KCNAB1: variants seen among roughly 807,000 people sequenced by gnomAD.
KCNAB1 encodes the protein potassium voltage-gated channel subfamily A regulatory beta subunit 1.
In KCNAB1, 35 loss-of-function variants were observed where a neutral mutation model predicts 64.6. The observed-to-expected ratio is 0.54, with a 90% CI of 0.41 to 0.72. The LOEUF (loss-of-function observed/expected upper bound fraction) is 0.72. KCNAB1 is among the 30% of genes least tolerant of loss of function. The pLI, the probability that KCNAB1 is intolerant of heterozygous loss-of-function variation, is 0.00. For synonymous variants in KCNAB1, 177 were observed against 183.8 expected (o/e 0.96, Z 0.30); for missense variants, 401 against 512.9 (o/e 0.78, Z 2.11).
intron 8 of KCNAB1, among the ~76,000 whole-genome samples, chr3:156,492,023 C>T (rs1415919529): frequency 6.6e-6 from 1 of 152,066 alleles, no homozygotes; most frequent in Non-Finnish European, 1.5e-5. Flanking sequence ...TCTTTTGTTT[C>T]AGGTCTCATA....
chr3:156,420,958 C>T (rs1336924402), intron 1 of KCNAB1, among the ~76,000 whole-genome samples: 1 of 149,654 alleles, frequency 6.7e-6, no homozygotes. Context: ...CACACACACA[C>T]ATATATATGT....
chr3:156,415,800 G>T (rs559399242), intron 1 of KCNAB1, among the ~76,000 whole-genome samples: 4 of 151,996 alleles, frequency 2.6e-5, no homozygotes, highest in Non-Finnish European at 4.4e-5. Context: ...TCCCTCAGCC[G>T]CTGACCCAGC....
At chr3:156,174,023 A>C (rs537948424) in intron 1 of KCNAB1, among the ~76,000 whole-genome samples, 1 of 152,322 alleles carries the variant, frequency 6.6e-6, no homozygotes, top group South Asian at 2.1e-4. Context: ...TACTGGAACA[A>C]CACCACCAAC....
At position 156,348,194 on chromosome 3, in the gene KCNAB1, C is replaced by T. The variant is rs1441258041; in HGVS notation, c.276-73422C>T. On this transcript the variant is annotated intron_variant, in intron 1 of 13. Transcript: ENST00000490337. The stretch of plus-strand genomic sequence containing the variant: ...TAGTGTGGTCTTTTGGAGGCTATGA[C>T]ATTTAAGCTGAGGCCTAAAAAGGAG... 2.0e-5 allele frequency among the ~76,000 whole-genome samples: 3 copies of T among 152,116 alleles called. No individual in the cohort carries two copies. In the South Asian group the frequency reaches 6.2e-4, roughly 32 times the overall value.
chr3:156,220,704 G>T (rs1715666498), intron 1 of KCNAB1, among the ~76,000 whole-genome samples: 1 of 152,174 alleles, frequency 6.6e-6, no homozygotes, highest in African/African-American at 2.4e-5. Context: ...TTGCTGTGCA[G>T]AAGCTCTTTA....
chr3:156,120,437 G>A (rs1713267796), upstream of KCNAB1: 1 of 746,662 alleles, frequency 1.3e-6, no homozygotes. Context: ...ACTAGGAAAG[G>A]TTAGAGATAC....
At chr3:156,207,188 A>G (rs1163218563) in intron 1 of KCNAB1, among the ~76,000 whole-genome samples, 1 of 152,202 alleles carries the variant, frequency 6.6e-6, no homozygotes, top group Non-Finnish European at 1.5e-5. Flanking sequence ...GGTTTGGCCA[A>G]TGGGAATCCC....
rs1393960204 is a variant in KCNAB1, at chr3:156,452,298, A to G, written c.320-601A>G. 6.6e-6 allele frequency among the ~76,000 whole-genome samples: 1 copy of G among 151,988 alleles called. No individual in the cohort carries two copies. The highest frequency in any genetic ancestry group is 1.9e-4 in the East Asian group (1 of 5,168). The stretch of plus-strand genomic sequence containing the variant: ...TGCATCTCTCCCCTTGCCTTCCCAA[A>G]CCTTACTCCTGCTGCTGTCTCCACT... On this transcript the variant is annotated intron_variant, in intron 2 of 13. Coordinates refer to ENST00000490337, the MANE Select transcript of KCNAB1 (RefSeq NM_172160.3). The surrounding 1 kb of genome is among the most constrained non-coding windows in gnomAD (Gnocchi z 4.6).
At chr3:156,341,986 A>G (rs1343475250) in intron 1 of KCNAB1, among the ~76,000 whole-genome samples, 4 of 152,192 alleles carry the variant, frequency 2.6e-5, no homozygotes, top group Non-Finnish European at 4.4e-5. Flanking sequence ...GGAAAGGTTT[A>G]TCCCCTGCCC....
At chr3:156,482,270 A>T (rs1252912450) in intron 8 of KCNAB1, among the ~76,000 whole-genome samples, 1 of 152,082 alleles carries the variant, frequency 6.6e-6, no homozygotes, top group Non-Finnish European at 1.5e-5. Context: ...GAAAAAAAAA[A>T]CAACTCAATA....
At chr3:156,214,526 T>TA (rs1715199705) in intron 1 of KCNAB1, among the ~76,000 whole-genome samples, 1 of 152,140 alleles carries the variant, frequency 6.6e-6, no homozygotes, top group African/African-American at 2.4e-5. Flanking sequence ...GAAAGACTCA[T>TA]AAAAAATCAG....
chr3:156,338,303 C>CTTTTTTT (rs34671816), intron 1 of KCNAB1, among the ~76,000 whole-genome samples: 787 of 39,460 alleles, frequency 0.02, 226 homozygotes, highest in African/African-American at 0.06. Context: ...GGCATTTGCA[C>CTTTTTTT]TTTTTTTTTT....
intron 2 of KCNAB1, among the ~76,000 whole-genome samples, chr3:156,428,225 A>G (rs1378166392): frequency 6.6e-6 from 1 of 152,190 alleles, no homozygotes; most frequent in Non-Finnish European, 1.5e-5. Flanking sequence ...TTTCCCAATC[A>G]GTTGAAGGCC....
chr3:156,432,236 T>C (rs1480326996), intron 2 of KCNAB1, among the ~76,000 whole-genome samples: 1 of 152,224 alleles, frequency 6.6e-6, no homozygotes, highest in Non-Finnish European at 1.5e-5. Context: ...CCCAGCTTTT[T>C]CTATGGCATG....
chr3:156,357,159 G>GCA (rs112441885), intron 1 of KCNAB1, among the ~76,000 whole-genome samples: 2,575 of 147,342 alleles, frequency 0.017, 39 homozygotes, highest in African/African-American at 0.046. Flanking sequence ...ACATGTGCGC[G>GCA]CACACACACA....
At chr3:156,423,217 G>T (rs146590706) in intron 2 of KCNAB1, among the ~76,000 whole-genome samples, 1 of 152,206 alleles carries the variant, frequency 6.6e-6, no homozygotes, top group Non-Finnish European at 1.5e-5. Context: ...GGTTGCTTTT[G>T]CACGTGGAAG....
At chr3:156,193,673 C>T (rs147499863) in intron 1 of KCNAB1, among the ~76,000 whole-genome samples, 3 of 152,198 alleles carry the variant, frequency 2.0e-5, no homozygotes, top group Non-Finnish European at 2.9e-5. Context: ...CATCAGATCT[C>T]ATGAGAACTC....
intron 1 of KCNAB1, among the ~76,000 whole-genome samples, chr3:156,361,087 A>G (rs1467498155): frequency 2.0e-5 from 3 of 152,140 alleles, no homozygotes; most frequent in Non-Finnish European, 4.4e-5. Context: ...AGCCTTCACA[A>G]TGGCCTAACA....
chr3:156,202,036 G>A (rs780725327), intron 1 of KCNAB1, among the ~76,000 whole-genome samples: 1 of 152,142 alleles, frequency 6.6e-6, no homozygotes, highest in Non-Finnish European at 1.5e-5. Context: ...TGGCAAGACT[G>A]CCCTGCAGAG....
Sources: gnomAD v4.1 joint callset for allele counts (sites outside exome capture counted in the v4.1 genomes callset) on GRCh38, gnomAD v4.1.1 for gene constraint, Gnocchi (gnomAD v3.1) non-coding constraint, MANE v1.5 for transcripts, NCBI Gene and HGNC (gene_info 2026-07-23, HGNC 2026-07-21) for gene names.